The following TRPM7 variants were observed in gnomAD, a reference collection of about 807,000 sequenced individuals.
TRPM7 encodes transient receptor potential cation channel subfamily M member 7.
Under a neutral mutation model 229.7 loss-of-function variants are expected in TRPM7, and 134 were observed. The observed-to-expected ratio is 0.58, with a 90% CI of 0.51 to 0.67. TRPM7 has a LOEUF of 0.67. TRPM7 is among the 30% of genes least tolerant of loss of function. The pLI is 0.00. For missense variants in TRPM7, 1,901 were observed against 2,210.0 expected (o/e 0.86, Z 2.80); for synonymous variants, 699 against 715.2 (o/e 0.98, Z 0.36).
Position 50,594,421 on chromosome 15 carries a change from T to C in TRPM7, c.3475+8A>G, listed in dbSNP as rs2140374371. On this transcript the variant is annotated splice_region_variant and intron_variant, in intron 24 of 38. Coordinates refer to ENST00000646667, the MANE Select transcript of TRPM7 (RefSeq NM_017672.6). ...ATGAAAACATTTGCCTTAATATAGT[T>C]TACTTACTTGGTCCATCGGAAGTCT... 1 of 1,599,782 alleles carries C rather than the reference T, an allele frequency of 6.3e-7. No individual in the cohort carries two copies. The highest frequency in any genetic ancestry group is 8.5e-7 in the Non-Finnish European group (1 of 1,173,362).
At chr15:50,633,863 C>T (rs937578889) in intron 8 of TRPM7, among the ~76,000 whole-genome samples, 3 of 152,156 alleles carry the variant, frequency 2.0e-5, no homozygotes, top group Non-Finnish European at 4.4e-5. Context: ...AAACTGTGTT[C>T]CATGAAGATG....
chr15:50,678,097 C>T (rs938330557), intron 1 of TRPM7, among the ~76,000 whole-genome samples: 2 of 151,598 alleles, frequency 1.3e-5, no homozygotes, highest in South Asian at 2.1e-4. Context: ...AAAAATCAGC[C>T]GGGCGTGGTG....
rs1416135284 is a variant in TRPM7, at chr15:50,632,850, T to C, written c.1131+19A>G. The C allele has an allele frequency of 5.3e-6, 8 of 1,504,768 alleles. No homozygotes were observed. The highest frequency in any genetic ancestry group is 6.2e-6 in the Non-Finnish European group (7 of 1,133,896). 93.2% of individuals were successfully genotyped at this position (1,504,768 alleles called of 1,614,324 possible). A position where few individuals can be genotyped will look rare whatever the true frequency, so the allele number is the denominator to read the frequency against. On this transcript the variant is annotated intron_variant, in intron 9 of 38. Coordinates refer to ENST00000646667, the MANE Select transcript of TRPM7 (RefSeq NM_017672.6). The stretch of plus-strand genomic sequence containing the variant: ...AAATGGCCTATCAGCTTTTTAAATT[T>C]CTGCTGAAATCTACTTACAAGCTCC...
At chr15:50,681,635 G>A (rs1435357766) in intron 1 of TRPM7, among the ~76,000 whole-genome samples, 1 of 152,150 alleles carries the variant, frequency 6.6e-6, no homozygotes. Context: ...AGTGAACTCT[G>A]TCTCAGGGTT....
chr15:50,625,766 T>C (rs1389302502), intron 11 of TRPM7, among the ~76,000 whole-genome samples: 2 of 152,134 alleles, frequency 1.3e-5, no homozygotes, highest in South Asian at 2.1e-4. Flanking sequence ...ATGAAAGGTA[T>C]GTTTTCTGTG....
At chr15:50,625,443 C>T (rs1304523485) in intron 11 of TRPM7, among the ~76,000 whole-genome samples, 2 of 151,986 alleles carry the variant, frequency 1.3e-5, no homozygotes, top group Non-Finnish European at 2.9e-5. Flanking sequence ...TTTTTTGAGA[C>T]GGGGTCTCAT....
chr15:50,654,886 A>G (rs2061516458), intron 3 of TRPM7, among the ~76,000 whole-genome samples: 1 of 150,018 alleles, frequency 6.7e-6, no homozygotes, highest in Non-Finnish European at 1.5e-5. Context: ...CTGTAGTCCC[A>G]GCTACTCGGG....
chr15:50,557,917 T>C lies in TRPM7; in HGVS notation c.*3761A>G, dbSNP rs2053189688. On this transcript the variant is annotated 3_prime_UTR_variant, in exon 39 of 39. Coordinates refer to ENST00000646667, the MANE Select transcript of TRPM7 (RefSeq NM_017672.6). ...CCTTGGCCTCCCAAAGTGATGGAAT[T>C]ACAGGCGTGAGCCACTGCACCTGGC... is the stretch of plus-strand genomic sequence containing the variant. 1 of 152,280 alleles carries C rather than the reference T, an allele frequency of 6.6e-6. No homozygotes were observed. The highest frequency in any genetic ancestry group is 1.5e-5 in the Non-Finnish European group (1 of 68,080). The allele number at this position is 152,280 out of a possible 1,614,324, so 9.4% of individuals were successfully genotyped here. A position where few individuals can be genotyped will look rare whatever the true frequency, so the allele number is the denominator to read the frequency against.
intron 38 of TRPM7, among the ~76,000 whole-genome samples, chr15:50,567,885 G>T (rs149586565): frequency 1.3e-5 from 2 of 151,792 alleles, no homozygotes; most frequent in East Asian, 3.9e-4. Flanking sequence ...TCAGGAGATC[G>T]AGACCATGGT....
At chr15:50,658,314 C>A (rs2061634717) in intron 2 of TRPM7, among the ~76,000 whole-genome samples, 1 of 151,860 alleles carries the variant, frequency 6.6e-6, no homozygotes, top group Admixed American at 6.6e-5. Flanking sequence ...AGACAGTCCA[C>A]ACCTATAATT....
chr15:50,663,952 G>C (rs1421877570), intron 1 of TRPM7, among the ~76,000 whole-genome samples: 2 of 150,750 alleles, frequency 1.3e-5, no homozygotes, highest in Non-Finnish European at 3.0e-5. Context: ...GAAAGAGTGA[G>C]AGACTCTGTC....
Position 50,589,568 on chromosome 15 carries a change from G to A in TRPM7, c.4389+24C>T, listed in dbSNP as rs934534747. ...GACAGTAAAATAAATAGAACTGTGG[G>A]TGTTTTAATAAGGATTTACTTACGG... is the stretch of plus-strand genomic sequence containing the variant. On this transcript the variant is annotated intron_variant, in intron 27 of 38. Coordinates refer to ENST00000646667, the MANE Select transcript of TRPM7 (RefSeq NM_017672.6). The A allele has an allele frequency of 6.4e-6, 9 of 1,405,336 alleles. 1 individual carries two copies. Among genetic ancestry groups the A allele is most frequent in the Non-Finnish European group, 8.9e-6 (9 of 1,008,108 alleles). The allele number at this position is 1,405,336 out of a possible 1,614,324, so 87.1% of individuals were successfully genotyped here. A position where few individuals can be genotyped will look rare whatever the true frequency, so the allele number is the denominator to read the frequency against.
In TRPM7 at chr15:50,633,092, G is replaced by A. The variant is rs1364048328; in HGVS notation, c.1008-100C>T. 9 of 1,044,752 alleles carry A rather than the reference G, an allele frequency of 8.6e-6. No homozygotes were observed. In the South Asian group the frequency reaches 2.0e-4, roughly 24 times the overall value. 64.7% of individuals were successfully genotyped at this position (1,044,752 alleles called of 1,614,324 possible). A position where few individuals can be genotyped will look rare whatever the true frequency, so the allele number is the denominator to read the frequency against. Reference sequence around the variant, plus strand: ...TCCATGTAAGACCTTTGAAAATAATGGATTAATATTACATACTTCACCTTG... The same window carrying A: ...TCCATGTAAGACCTTTGAAAATAATAGATTAATATTACATACTTCACCTTG... On this transcript the variant is annotated intron_variant, in intron 8 of 38. Transcript: ENST00000646667.
intron 34 of TRPM7, 47 bp from the exon 35 acceptor site, chr15:50,574,766 A>T (rs1188881157): frequency 2.5e-6 from 4 of 1,587,584 alleles, no homozygotes; most frequent in Middle Eastern, 1.7e-4. Context: ...ATTTAAACTA[A>T]GATTATATTT....
intron 20 of TRPM7, 113 bp from the exon 21 acceptor site, chr15:50,605,257 CTTAT>C: frequency 1.0e-6 from 1 of 986,568 alleles, no homozygotes; most frequent in Non-Finnish European, 1.5e-6. Context: ...TATTTATTAA[CTTAT>C]TTATTTTGAG....
chr15:50,669,537 T>G (rs762518956), intron 1 of TRPM7, among the ~76,000 whole-genome samples: 25 of 152,336 alleles, frequency 1.6e-4, no homozygotes, highest in Non-Finnish European at 3.1e-4. Flanking sequence ...TTCGAAAGCC[T>G]ATATAATTAT....
At chr15:50,564,177 A>C (rs1025468830) in intron 38 of TRPM7, among the ~76,000 whole-genome samples, 3 of 151,486 alleles carry the variant, frequency 2.0e-5, no homozygotes, top group Non-Finnish European at 4.4e-5. Flanking sequence ...TTTTTCTTCC[A>C]ATGTGGCCCA....
Position 50,596,211 on chromosome 15 carries a change from C to A in TRPM7, c.3290+44G>T, listed in dbSNP as rs546258373. 2.6e-4 allele frequency: 331 copies of A among 1,294,466 alleles called. 1 individual carries two copies. In the South Asian group the frequency reaches 5.9e-3, roughly 23 times the overall value. 80.2% of individuals were successfully genotyped at this position (1,294,466 alleles called of 1,614,324 possible). A position where few individuals can be genotyped will look rare whatever the true frequency, so the allele number is the denominator to read the frequency against. On this transcript the variant is annotated intron_variant, in intron 23 of 38. Coordinates refer to ENST00000646667, the MANE Select transcript of TRPM7 (RefSeq NM_017672.6). ...ATTTCCTTCAAAATATGTAGAATTG[C>A]ATATTAAATCATCTTATAACAAACA...
chr15:50,574,861 G>A lies in TRPM7; in HGVS notation c.5010C>T (p.Leu1670=). The change falls in exon 34 of 39, where the codon CTC becomes CTT. Residue 1670 remains leucine (L), a synonymous_variant. Transcript: ENST00000646667. The stretch of plus-strand genomic sequence containing the variant: ...ATTCACTGACACTTACTCTCAGACA[G>A]AGATGCAGAACTGTATCTTCTTTGT... ...SIYKEDTVLH[L]CLREIQQQRA... is the part of the protein sequence containing the mutation. 1.2e-6 allele frequency: 2 copies of A among 1,610,122 alleles called. No individual in the cohort carries two copies. Among genetic ancestry groups the A allele is most frequent in the Non-Finnish European group, 1.7e-6 (2 of 1,177,680 alleles).
Sources: gnomAD v4.1 joint callset for allele counts (sites outside exome capture counted in the v4.1 genomes callset) on GRCh38, gnomAD v4.1.1 for gene constraint, MANE v1.5 for transcripts, NCBI Gene and HGNC (gene_info 2026-07-23, HGNC 2026-07-21) for gene names.